The following ATL1 variants were observed in gnomAD, a reference collection of about 807,000 sequenced individuals.
The protein encoded by ATL1 is atlastin GTPase 1, also known as atlastin-1.
A neutral mutation model predicts 75.5 loss-of-function variants in ATL1; 31 were observed. That is an observed-to-expected ratio of 0.41 (90% CI 0.31 to 0.55). The LOEUF is 0.55. Among genes scored for constraint, ATL1 ranks in the 20% least tolerant of loss-of-function variants. The pLI is 0.27. For missense variants in ATL1, 405 were observed against 662.6 expected, an observed-to-expected ratio of 0.61 and a Z score of 4.27; for synonymous variants, 226 against 233.3, an observed-to-expected ratio of 0.97 and a Z score of 0.28.
Position 50,587,964 on chromosome 14 carries a change from C to A in ATL1, c.168C>A (p.Ile56=). 6.2e-7 allele frequency: 1 copy of A among 1,614,104 alleles called. No individual in the cohort carries two copies. Among genetic ancestry groups the A allele is most frequent in the Non-Finnish European group, 8.5e-7 (1 of 1,180,022 alleles). Reference sequence around the variant, plus strand: ...TAGATGAAACTGCATTAAATCGGATCCTTCTCTCGGAGGCTGTCAGAGACA... The same window carrying A: ...TAGATGAAACTGCATTAAATCGGATACTTCTCTCGGAGGCTGTCAGAGACA... ...FELDETALNR[I]LLSEAVRDKE... The change falls in exon 2 of 14, where the codon ATC becomes ATA. Residue 56 remains isoleucine (I), a synonymous_variant. Coordinates refer to ENST00000358385, the MANE Select transcript of ATL1 (RefSeq NM_015915.5).
chr14:50,630,731 TAC>T (rs2039571530), intron 13 of ATL1, among the ~76,000 whole-genome samples: 1 of 152,194 alleles, frequency 6.6e-6, no homozygotes, highest in East Asian at 1.9e-4. Context: ...TCGAATCAAA[TAC>T]CATTTACTAT....
At chr14:50,584,430 G>A (rs1001275165) in intron 1 of ATL1, among the ~76,000 whole-genome samples, 8 of 151,956 alleles carry the variant, frequency 5.3e-5, no homozygotes, top group East Asian at 1.9e-4. Context: ...TTGGCCGGGC[G>A]CGGTGGCTCA....
intron 5 of ATL1, among the ~76,000 whole-genome samples, chr14:50,594,726 G>T (rs2039196160): frequency 6.6e-6 from 1 of 152,166 alleles, no homozygotes; most frequent in Non-Finnish European, 1.5e-5. Context: ...CGGGTGCAGT[G>T]GCTTACGCCT....
chr14:50,593,867 G>A lies in ATL1; in HGVS notation c.544G>A (p.Val182Ile), dbSNP rs755214274. 2 of 1,607,288 alleles carry A rather than the reference G, an allele frequency of 1.2e-6. No homozygotes were observed. Among genetic ancestry groups the A allele is most frequent in the East Asian group, 2.2e-5 (1 of 44,772 alleles). Reference protein sequence around the residue: ...SIQVYNLSQNVQEDDLQHLQL... With the variant: ...SIQVYNLSQNIQEDDLQHLQL... ...CAAGGTATATAACTTATCCCAAAAT[G>A]TCCAGGAGGATGATCTTCAGCACCT... Residue 182 changes from valine (V) to isoleucine (I), a missense_variant, in exon 5 of 14, where the codon GTC (valine) becomes ATC (isoleucine). Physicochemically the swap from Val to Ile is conservative, Grantham distance 29. Coordinates refer to ENST00000358385, the MANE Select transcript of ATL1 (RefSeq NM_015915.5).
rs796323860 is a variant in ATL1 at position 50,546,381 on chromosome 14, CGTGTGTGTGTGTGA to C, written c.-140+13016_-140+13029del. ...AAGGTACTGGGTGTGTGTGTGTGTGCGTGTGTGTGTGTGAGAGAGCATACATGTTTATGTTTATA... is the reference window on the plus strand; with the variant it reads ...AAGGTACTGGGTGTGTGTGTGTGTGCGAGAGCATACATGTTTATGTTTATA... On this transcript the variant is annotated intron_variant, in intron 1 of 13. Coordinates refer to the ATL1 transcript ENST00000441560. Among the ~76,000 whole-genome samples the C allele has an allele frequency of 1.1e-3, 171 of 150,258 alleles. 2 individuals are homozygous for C. In the South Asian group the frequency reaches 0.034, roughly 30 times the overall value.
intron 11 of ATL1, among the ~76,000 whole-genome samples, chr14:50,624,726 AGT>A (rs2039500550): frequency 2.0e-5 from 3 of 152,190 alleles, no homozygotes; most frequent in East Asian, 1.9e-4. Flanking sequence ...TGCACCAATT[AGT>A]TAGCCAGGCT....
At chr14:50,580,439 C>T (rs1261626116) in intron 1 of ATL1, among the ~76,000 whole-genome samples, 1 of 152,064 alleles carries the variant, frequency 6.6e-6, no homozygotes, top group Non-Finnish European at 1.5e-5. Flanking sequence ...ATGACTATTA[C>T]ATTTTCATAC....
At chr14:50,622,571 CAGG>C (rs1353532916) in intron 10 of ATL1, among the ~76,000 whole-genome samples, 1 of 152,046 alleles carries the variant, frequency 6.6e-6, no homozygotes, top group African/African-American at 2.4e-5. Flanking sequence ...GAGGCTGAGG[CAGG>C]AGAATTGCTT....
Position 50,632,520 on chromosome 14 carries a change from T to C in ATL1, c.*181T>C, listed in dbSNP as rs1339071838. The C allele has an allele frequency of 9.9e-6, 5 of 506,300 alleles. No homozygotes were observed. Among genetic ancestry groups the C allele is most frequent in the Non-Finnish European group, 1.4e-5 (4 of 276,730 alleles). 31.4% of individuals were successfully genotyped at this position (506,300 alleles called of 1,614,324 possible). The stretch of plus-strand genomic sequence containing the variant: ...TTTAATAAGCAGATGTATGTATGCA[T>C]GGTTATACTATTTTGTTAACATGTA... On this transcript the variant is annotated 3_prime_UTR_variant, in exon 14 of 14. Transcript: ENST00000358385.
chr14:50,557,382 A>G (rs753068255), upstream of ATL1, among the ~76,000 whole-genome samples: 4 of 152,022 alleles, frequency 2.6e-5, no homozygotes, highest in Non-Finnish European at 4.4e-5. Flanking sequence ...GTCTTGCTGT[A>G]TTTATTTTTC....
At chr14:50,551,200 A>C (rs1251152031) in intron 1 of ATL1, among the ~76,000 whole-genome samples, 1 of 152,138 alleles carries the variant, frequency 6.6e-6, no homozygotes, top group Non-Finnish European at 1.5e-5. Flanking sequence ...AAGATGTTAT[A>C]ACTGATACTA....
At chr14:50,544,195 C>T (rs926587624) in intron 1 of ATL1, among the ~76,000 whole-genome samples, 2 of 152,236 alleles carry the variant, frequency 1.3e-5, no homozygotes, top group Non-Finnish European at 1.5e-5. Context: ...CTTGGATCCT[C>T]TGAGACTAAG....
exon 1 of ATL1, chr14:50,533,208 C>T (rs2038443854): frequency 6.6e-6 from 1 of 152,244 alleles, no homozygotes; most frequent in Non-Finnish European, 1.5e-5. Context: ...CGCAGTGTCT[C>T]ATCGCTGGTA....
chr14:50,576,360 TGGTTC>T (rs771420243), intron 1 of ATL1, among the ~76,000 whole-genome samples: 9 of 152,190 alleles, frequency 5.9e-5, no homozygotes, highest in Non-Finnish European at 1.2e-4. Flanking sequence ...TCTGTATAGT[TGGTTC>T]TTTCCTTCCT....
chr14:50,542,535 GA>G (rs2038578953), intron 1 of ATL1: 1 of 152,214 alleles, frequency 6.6e-6, no homozygotes, highest in Non-Finnish European at 1.5e-5. Flanking sequence ...ATGGGCAGCA[GA>G]ATTCCGTTGT....
chr14:50,632,378 A>C lies in ATL1; in HGVS notation c.*39A>C. The C allele has an allele frequency of 1.5e-6, 2 of 1,358,772 alleles. No homozygotes were observed. Among genetic ancestry groups the C allele is most frequent in the Non-Finnish European group, 2.1e-6 (2 of 952,918 alleles). 84.2% of individuals were successfully genotyped at this position (1,358,772 alleles called of 1,614,324 possible). On this transcript the variant is annotated 3_prime_UTR_variant, in exon 14 of 14. Transcript: ENST00000358385. ...AAATACAGGTGCATGACCAATTGTC[A>C]ATTAAATATTCAGTTTTATGTCTCC... is the stretch of plus-strand genomic sequence containing the variant.
At chr14:50,548,233 G>T (rs777053542) in intron 1 of ATL1, among the ~76,000 whole-genome samples, 5 of 152,130 alleles carry the variant, frequency 3.3e-5, no homozygotes, top group African/African-American at 1.2e-4. Context: ...GTTTTCCTAG[G>T]TTTACTGGGC....
At chr14:50,614,586 T>A in intron 8 of ATL1, 75 bp downstream of exon 8, 3 of 1,491,908 alleles carry the variant, frequency 2.0e-6, no homozygotes, top group African/African-American at 1.4e-5. Context: ...ATTGGGCTTA[T>A]GGCTGATAGT....
chr14:50,559,178 G>A (rs1395093166), upstream of ATL1: 2 of 152,234 alleles, frequency 1.3e-5, no homozygotes, highest in African/African-American at 4.8e-5. Context: ...TGTAGCGTGA[G>A]GAGTTGCTTA....
Sources: gnomAD v4.1 joint callset for allele counts (sites outside exome capture counted in the v4.1 genomes callset) on GRCh38, gnomAD v4.1.1 for gene constraint, MANE v1.5 for transcripts, NCBI Gene and HGNC (gene_info 2026-07-23, HGNC 2026-07-21) for gene names.